STK38: variants seen among roughly 807,000 people sequenced by gnomAD.
STK38 encodes serine/threonine kinase 38.
STK38 carries 26 observed loss-of-function variants against 59.0 expected under a neutral mutation model. The observed-to-expected ratio is 0.44, with a 90% CI of 0.32 to 0.61. STK38 has a LOEUF of 0.61. Among genes scored for constraint, STK38 ranks in the 20% least tolerant of loss-of-function variants. STK38 has a pLI of 0.04. For missense variants in STK38, 433 were observed against 566.0 expected (o/e 0.76, Z 2.38); for synonymous variants, 175 against 176.6 (o/e 0.99, Z 0.07).
intron 1 of STK38, among the ~76,000 whole-genome samples, chr6:36,544,763 T>C (rs913734934): frequency 6.6e-6 from 1 of 152,070 alleles, no homozygotes; most frequent in Non-Finnish European, 1.5e-5. Flanking sequence ...TCCCAGCTAC[T>C]CAGGAGGCTG....
chr6:36,507,648 G>A (rs1433441701), intron 7 of STK38, 46 bp from the exon 8 acceptor site: 2 of 1,442,394 alleles, frequency 1.4e-6, no homozygotes, highest in East Asian at 4.6e-5. Flanking sequence ...ATTCTTGGAG[G>A]TAGAACAGAA....
chr6:36,518,983 T>C (rs1384263629), intron 5 of STK38, among the ~76,000 whole-genome samples: 1 of 152,222 alleles, frequency 6.6e-6, no homozygotes, highest in African/African-American at 2.4e-5. Flanking sequence ...TTTATTGACA[T>C]GTCTTTAGGG....
At chr6:36,527,469 C>A (rs1358653596) in intron 2 of STK38, among the ~76,000 whole-genome samples, 2 of 151,082 alleles carry the variant, frequency 1.3e-5, no homozygotes, top group Non-Finnish European at 2.9e-5. Flanking sequence ...ACAAGAATCA[C>A]TTGAACCTGG....
Position 36,506,661 on chromosome 6 carries a change from C to T in STK38, c.773-17G>A, listed in dbSNP as rs1260829112. On this transcript the variant is annotated splice_polypyrimidine_tract_variant and intron_variant, in intron 8 of 13. Coordinates refer to ENST00000229812, the MANE Select transcript of STK38 (RefSeq NM_007271.4). ...TCTGGAAAGCTGAAAGTAAAGAATACAAGCTGCAGTCAAAGTTCAGACCAA... is the reference window on the plus strand; with the variant it reads ...TCTGGAAAGCTGAAAGTAAAGAATATAAGCTGCAGTCAAAGTTCAGACCAA... 3.7e-6 allele frequency: 6 copies of T among 1,609,988 alleles called. No homozygotes were observed. Among genetic ancestry groups the T allele is most frequent in the Non-Finnish European group, 5.1e-6 (6 of 1,178,998 alleles).
chr6:36,527,945 A>C (rs1777572439), intron 2 of STK38, among the ~76,000 whole-genome samples: 1 of 85,194 alleles, frequency 1.2e-5, no homozygotes, highest in East Asian at 4.9e-4. Flanking sequence ...TAAAAATACA[A>C]AAAAAAAAAA....
chr6:36,531,240 G>A (rs1381549057), intron 2 of STK38, among the ~76,000 whole-genome samples: 8 of 152,184 alleles, frequency 5.3e-5, no homozygotes, highest in African/African-American at 1.9e-4. Context: ...AAGAGGAGTT[G>A]CAGAACATAG....
At chr6:36,515,548 ACACACAC>A (rs1777229650) in intron 6 of STK38, 56 bp from the exon 7 acceptor site, 2 of 1,602,232 alleles carry the variant, frequency 1.2e-6, no homozygotes, top group African/African-American at 1.3e-5. Flanking sequence ...ACACACACAC[ACACACAC>A]AACATACGAG....
chr6:36,535,986 T>C (rs1777781673), intron 2 of STK38, among the ~76,000 whole-genome samples: 1 of 151,040 alleles, frequency 6.6e-6, no homozygotes, highest in Admixed American at 6.6e-5. Flanking sequence ...CTCAAAGCAA[T>C]CTTAAAATAA....
intron 8 of STK38, 67 bp downstream of exon 8, chr6:36,507,424 CTAATTTGGT>C (rs1776994112): frequency 8.3e-7 from 1 of 1,201,476 alleles, no homozygotes; most frequent in Non-Finnish European, 1.2e-6. Flanking sequence ...CCTATCTGTT[CTAATTTGGT>C]TACAAGGGAA....
In STK38 at chr6:36,543,104, G is replaced by A. The variant is rs904749888; in HGVS notation, c.-5-2897C>T. On this transcript the variant is annotated intron_variant, in intron 1 of 13. Coordinates refer to ENST00000229812, the MANE Select transcript of STK38 (RefSeq NM_007271.4). ...TTTTGAGACGAAGTCTCGCTCTGTC[G>A]CCCAGGCTGGAGTGCAGTGGCGCGA... Among the ~76,000 whole-genome samples the A allele has an allele frequency of 8.7e-5, 13 of 149,668 alleles. No individual in the cohort carries two copies. The South Asian group carries it at 2.1e-3, about 24-fold the overall frequency.
rs1219622406 is a variant in STK38, at chr6:36,498,582, C to CT, written c.953-97dup. 4,716 of 1,037,612 alleles carry CT rather than the reference C, an allele frequency of 4.5e-3. 15 individuals carry two copies. The highest frequency in any genetic ancestry group is 0.012 in the South Asian group (640 of 54,304). The allele number at this position is 1,037,612 out of a possible 1,614,324, so 64.3% of individuals were successfully genotyped here. The stretch of plus-strand genomic sequence containing the variant: ...AATAAAATTCTATGTCTTTTTTTTT[C>CT]TTTTTTCTTTTTTTTTTTTTTTTGA... On this transcript the variant is annotated intron_variant, in intron 10 of 13. Coordinates refer to ENST00000229812, the MANE Select transcript of STK38 (RefSeq NM_007271.4).
chr6:36,513,020 A>G (rs1231395315), intron 7 of STK38, among the ~76,000 whole-genome samples: 1 of 150,438 alleles, frequency 6.6e-6, no homozygotes, highest in Non-Finnish European at 1.5e-5. Context: ...ATGTTTATGC[A>G]TTATTATTAT....
At chr6:36,541,223 T>C (rs1436655893) in intron 1 of STK38, among the ~76,000 whole-genome samples, 4 of 152,120 alleles carry the variant, frequency 2.6e-5, no homozygotes, top group Non-Finnish European at 5.9e-5. Context: ...TTAAAACATA[T>C]TAGTGCAAGT....
chr6:36,496,683 C>G, intron 13 of STK38, 28 bp downstream of exon 13: 1 of 1,541,092 alleles, frequency 6.5e-7, no homozygotes, highest in Admixed American at 1.7e-5. Context: ...GCTTATAAGG[C>G]AGCAGGAGAC....
Position 36,494,528 on chromosome 6 carries a change from G to C in STK38, c.*1256C>G, listed in dbSNP as rs1776652784. 6.5e-6 allele frequency: 1 copy of C among 152,684 alleles called. No individual in the cohort carries two copies. The highest frequency in any genetic ancestry group is 1.5e-5 in the Non-Finnish European group (1 of 68,052). 9.5% of individuals were successfully genotyped at this position (152,684 alleles called of 1,614,324 possible). A position where few individuals can be genotyped will look rare whatever the true frequency, so the allele number is the denominator to read the frequency against. ...AGCTGTGAAACAGAAGGCACTTTGT[G>C]CTAAAATTCAGAGGGTCTCTCAAGA... On this transcript the variant is annotated 3_prime_UTR_variant, in exon 14 of 14. Transcript: ENST00000229812.
At chr6:36,498,582 C>CTTTTTTTTTTTTTTTTTTTTTTT (rs1219622406) in intron 10 of STK38, 96 bp from the exon 11 acceptor site, 1 of 1,033,044 alleles carries the variant, frequency 9.7e-7, no homozygotes. Context: ...CTTTTTTTTT[C>CTTTTTTTTTTTTTTTTTTTTTTT]TTTTTTCTTT....
intron 8 of STK38, 61 bp downstream of exon 8, chr6:36,507,439 G>A (rs752907630): frequency 6.7e-5 from 93 of 1,386,784 alleles, no homozygotes; most frequent in Non-Finnish European, 8.9e-5. Context: ...TTGGTTACAA[G>A]GGAAACAGCT....
intron 1 of STK38, among the ~76,000 whole-genome samples, chr6:36,543,744 C>T (rs1777998154): frequency 1.3e-5 from 2 of 152,088 alleles, no homozygotes; most frequent in Non-Finnish European, 2.9e-5. Context: ...TGGGTTCAAG[C>T]GATTCTCCTG....
chr6:36,544,612 A>C (rs993716562), intron 1 of STK38, among the ~76,000 whole-genome samples: 2 of 152,214 alleles, frequency 1.3e-5, no homozygotes, highest in African/African-American at 4.8e-5. Context: ...TTGCCAGGGC[A>C]CTGGTGCACC....
Sources: allele counts gnomAD v4.1 joint callset (sites outside exome capture counted in the v4.1 genomes callset), GRCh38; gene constraint gnomAD v4.1.1; transcripts MANE v1.5; gene names NCBI Gene and HGNC (gene_info 2026-07-23, HGNC 2026-07-21).